Variants in GRIK4 observed in about 807,000 individuals in gnomAD.
The protein encoded by GRIK4 is glutamate receptor ionotropic, kainate 4.
A neutral mutation model predicts 104.9 loss-of-function variants in GRIK4; 40 were observed. That is an observed-to-expected ratio of 0.38 (90% CI 0.30 to 0.50). The LOEUF is 0.50. Ranked by LOEUF, GRIK4 falls within the 20% of genes least tolerant of loss-of-function variation. The pLI is 0.93. For missense variants in GRIK4, 1,047 were observed against 1,308.1 expected (o/e 0.80, Z 3.08); for synonymous variants, 485 against 524.9 (o/e 0.92, Z 1.04).
chr11:120,741,209 G>C (rs944791321), intron 3 of GRIK4, among the ~76,000 whole-genome samples: 5 of 151,094 alleles, frequency 3.3e-5, no homozygotes, highest in African/African-American at 1.2e-4. Flanking sequence ...GAGACACAGA[G>C]AAAGAAGTTA....
intron 1 of GRIK4, among the ~76,000 whole-genome samples, chr11:120,566,902 TCTCAC>T (rs1466776416): frequency 6.6e-6 from 1 of 151,148 alleles, no homozygotes; most frequent in Non-Finnish European, 1.5e-5. Context: ...GGAGATGGGG[TCTCAC>T]CATGTTGGCC....
intron 3 of GRIK4, among the ~76,000 whole-genome samples, chr11:120,688,847 G>A (rs866297987): frequency 1.3e-5 from 2 of 152,188 alleles, no homozygotes; most frequent in African/African-American, 4.8e-5. Flanking sequence ...CCAGAATGGA[G>A]TGTGCTTATG....
chr11:120,904,115 A>G (rs544967378), intron 12 of GRIK4, among the ~76,000 whole-genome samples: 7 of 150,060 alleles, frequency 4.7e-5, no homozygotes, highest in African/African-American at 1.7e-4. Context: ...CCCTTTCTCA[A>G]CTCTTCCCCT....
chr11:120,600,904 A>T (rs1448327457), intron 1 of GRIK4, among the ~76,000 whole-genome samples: 2 of 151,342 alleles, frequency 1.3e-5, no homozygotes, highest in Non-Finnish European at 2.9e-5. Flanking sequence ...CCCTACAAAA[A>T]ATACAAAAAG....
intron 4 of GRIK4, among the ~76,000 whole-genome samples, chr11:120,806,495 G>A (rs1565363763): frequency 6.6e-6 from 1 of 152,182 alleles, no homozygotes; most frequent in African/African-American, 2.4e-5. Context: ...AGTGGCTCTG[G>A]GGCCCTGGAC....
intron 3 of GRIK4, among the ~76,000 whole-genome samples, chr11:120,749,158 T>C (rs927294637): frequency 1.3e-5 from 2 of 152,112 alleles, no homozygotes; most frequent in Non-Finnish European, 2.9e-5. Flanking sequence ...TAGTACTTTT[T>C]TTTTGCCCCA....
intron 5 of GRIK4, 46 bp downstream of exon 5, chr11:120,815,521 T>A: frequency 8.7e-7 from 1 of 1,151,300 alleles, no homozygotes; most frequent in Non-Finnish European, 1.2e-6. Flanking sequence ...CTGGAGCCTG[T>A]GCCCAGGGTC....
intron 1 of GRIK4, among the ~76,000 whole-genome samples, chr11:120,567,545 A>T (rs2135065927): frequency 6.6e-6 from 1 of 152,338 alleles, no homozygotes; most frequent in South Asian, 2.1e-4. Flanking sequence ...ATTTCGTGTT[A>T]GTTAGCAGAG....
Position 120,884,876 on chromosome 11 carries a change from G to A in GRIK4, c.1164+9633G>A, listed in dbSNP as rs984757813. Among the ~76,000 whole-genome samples the A allele has an allele frequency of 2.0e-5, 3 of 152,388 alleles. No individual in the cohort carries two copies. The South Asian group carries it at 6.2e-4, about 32-fold the overall frequency. On this transcript the variant is annotated intron_variant, in intron 11 of 20. Coordinates refer to ENST00000527524, the MANE Select transcript of GRIK4 (RefSeq NM_014619.5). ...GGCCATGCTCAGGCCATCGCAGAAA[G>A]CTCAGAAGTTGCATCCTCCCCTGCC...
chr11:120,748,411 T>TG (rs1263315528), intron 3 of GRIK4, among the ~76,000 whole-genome samples: 2 of 152,064 alleles, frequency 1.3e-5, no homozygotes, highest in Non-Finnish European at 2.9e-5. Context: ...CCCATGTCTG[T>TG]GGGGAGATGA....
At chr11:120,926,869 G>T (rs1322208923) in intron 13 of GRIK4, among the ~76,000 whole-genome samples, 2 of 152,188 alleles carry the variant, frequency 1.3e-5, no homozygotes, top group Non-Finnish European at 2.9e-5. Context: ...TTCAGGTCAT[G>T]ATTTCCGCTG....
intron 8 of GRIK4, chr11:120,858,947 G>A (rs1392972785): frequency 6.6e-6 from 1 of 152,140 alleles, no homozygotes. Flanking sequence ...GCTATCCCAT[G>A]AGTCATTATA....
intron 7 of GRIK4, among the ~76,000 whole-genome samples, chr11:120,832,528 A>G: frequency 6.6e-6 from 1 of 152,230 alleles, no homozygotes; most frequent in African/African-American, 2.4e-5. Flanking sequence ...AGCTCTCAGC[A>G]ATGACATGAG....
At chr11:120,720,917 G>C (rs1311018574) in intron 3 of GRIK4, among the ~76,000 whole-genome samples, 1 of 152,120 alleles carries the variant, frequency 6.6e-6, no homozygotes, top group Non-Finnish European at 1.5e-5. Flanking sequence ...ACAGAAGAGA[G>C]AGGGACAAGA....
intron 1 of GRIK4, among the ~76,000 whole-genome samples, chr11:120,595,682 G>T (rs1948791085): frequency 6.6e-6 from 1 of 152,188 alleles, no homozygotes; most frequent in African/African-American, 2.4e-5. Flanking sequence ...TGCTGGAACA[G>T]CTCTCCTCCT....
At chr11:120,755,923 G>A (rs551344661) in intron 3 of GRIK4, among the ~76,000 whole-genome samples, 3 of 152,252 alleles carry the variant, frequency 2.0e-5, no homozygotes, top group East Asian at 3.9e-4. Context: ...TGTAACTTGG[G>A]GAGGTTAAGT....
At chr11:120,875,787 C>T (rs1346158880) in intron 11 of GRIK4, among the ~76,000 whole-genome samples, 1 of 152,172 alleles carries the variant, frequency 6.6e-6, no homozygotes, top group Non-Finnish European at 1.5e-5. Flanking sequence ...CAGCTCCCCA[C>T]TCCTTTGCTC....
chr11:120,532,216 A>C (rs72998730), intron 1 of GRIK4, among the ~76,000 whole-genome samples: 18,611 of 152,048 alleles, frequency 0.12, 1,358 homozygotes, highest in Middle Eastern at 0.22. Flanking sequence ...CTAGCCCCCA[A>C]AGTGACCTGG....
At chr11:120,658,134 A>G (rs895042851) in intron 2 of GRIK4, among the ~76,000 whole-genome samples, 5 of 150,998 alleles carry the variant, frequency 3.3e-5, no homozygotes, top group African/African-American at 7.4e-5. Context: ...TGTCTCTAGA[A>G]TGTGTAATCT....
Sources: gnomAD v4.1 joint callset for allele counts (sites outside exome capture counted in the v4.1 genomes callset) on GRCh38, gnomAD v4.1.1 for gene constraint, MANE v1.5 for transcripts, NCBI Gene and HGNC (gene_info 2026-07-23, HGNC 2026-07-21) for gene names.